Variants in APOLD1 observed in about 807,000 individuals in gnomAD.
The protein encoded by APOLD1 is apolipoprotein L domain-containing protein 1.
A neutral mutation model predicts 15.3 loss-of-function variants in APOLD1; 22 were observed. That is an observed-to-expected ratio of 1.44 (90% confidence interval 1.03 to 2.05). The LOEUF is 2.05. Ranked by LOEUF, APOLD1 falls within the 30% of genes most tolerant of loss-of-function variation. The pLI, the probability that APOLD1 is intolerant of heterozygous loss-of-function variation, is 0.00. For synonymous variants in APOLD1, 190 were observed against 167.4 expected (o/e 1.13, Z -1.04); for missense variants, 394 against 353.5 (o/e 1.11, Z -0.92).
intron 1 of APOLD1, among the ~76,000 whole-genome samples, chr12:12,759,230 A>G (rs1417020314): frequency 6.6e-6 from 1 of 152,252 alleles, no homozygotes; most frequent in African/African-American, 2.4e-5. Flanking sequence ...AAGGGAAACC[A>G]TAGAGAAAGG....
intron 1 of APOLD1, among the ~76,000 whole-genome samples, chr12:12,748,212 T>C (rs549706782): frequency 1.7e-4 from 26 of 152,128 alleles, no homozygotes; most frequent in Non-Finnish European, 2.9e-4. Flanking sequence ...AGCAGCTGGG[T>C]TCTCTATGGA....
intron 1 of APOLD1, among the ~76,000 whole-genome samples, chr12:12,730,212 C>T (rs1170342206): frequency 2.6e-5 from 4 of 152,016 alleles, no homozygotes; most frequent in East Asian, 1.9e-4. Context: ...TCATGCCTGG[C>T]TCACTGGAAA....
intron 1 of APOLD1, among the ~76,000 whole-genome samples, chr12:12,743,916 G>A: frequency 6.6e-6 from 1 of 152,172 alleles, no homozygotes; most frequent in East Asian, 1.9e-4. Flanking sequence ...GCAAGGTAAA[G>A]GATTCTCCCC....
intron 1 of APOLD1, among the ~76,000 whole-genome samples, chr12:12,779,726 C>T (rs1031069496): frequency 2.6e-5 from 4 of 152,132 alleles, no homozygotes; most frequent in African/African-American, 9.7e-5. Flanking sequence ...GGGATTATTA[C>T]ATAGCTATTA....
intron 1 of APOLD1, among the ~76,000 whole-genome samples, chr12:12,767,679 A>T (rs1455521198): frequency 2.0e-5 from 3 of 152,162 alleles, no homozygotes; most frequent in Non-Finnish European, 4.4e-5. Context: ...AACAAAAACA[A>T]AACTAGTATA....
intron 1 of APOLD1, among the ~76,000 whole-genome samples, chr12:12,747,046 A>G (rs1946771836): frequency 6.6e-6 from 1 of 152,226 alleles, no homozygotes; most frequent in African/African-American, 2.4e-5. Context: ...CTTCTAGATT[A>G]TAATCATGGA....
intron 1 of APOLD1, among the ~76,000 whole-genome samples, chr12:12,770,334 GGCAGA>G (rs752193717): frequency 1.1e-4 from 17 of 152,294 alleles, no homozygotes; most frequent in Non-Finnish European, 2.2e-4. Context: ...GAACCCAGGA[GGCAGA>G]GGTTGCACTG....
chr12:12,764,692 C>CT (rs1196772509), intron 1 of APOLD1: 1 of 508,490 alleles, frequency 2.0e-6, no homozygotes, highest in Admixed American at 2.0e-5. Flanking sequence ...CCTGTAGTGT[C>CT]TTATATACAA....
chr12:12,730,555 C>T (rs557426587), intron 1 of APOLD1, among the ~76,000 whole-genome samples: 137 of 151,364 alleles, frequency 9.1e-4, no homozygotes, highest in African/African-American at 3.0e-3. Flanking sequence ...GTGGCAGGCA[C>T]CTGTAATCCC....
intron 1 of APOLD1, among the ~76,000 whole-genome samples, chr12:12,745,423 T>A (rs1946758125): frequency 6.6e-6 from 1 of 151,900 alleles, no homozygotes; most frequent in African/African-American, 2.4e-5. Flanking sequence ...CTAGCTACTC[T>A]GGAGGCTGAG....
chr12:12,757,422 T>C (rs988500844), intron 1 of APOLD1, among the ~76,000 whole-genome samples: 10 of 152,182 alleles, frequency 6.6e-5, no homozygotes, highest in African/African-American at 2.4e-4. Flanking sequence ...GAGAGGCACA[T>C]TGAAGAACCA....
chr12:12,762,068 C>T (rs943791736), intron 1 of APOLD1, among the ~76,000 whole-genome samples: 2 of 152,032 alleles, frequency 1.3e-5, no homozygotes, highest in African/African-American at 4.8e-5. Flanking sequence ...CAAATGAAGA[C>T]ATTTTTAAGG....
chr12:12,782,040 C>A (rs1220818686), upstream of APOLD1, among the ~76,000 whole-genome samples: 1 of 151,664 alleles, frequency 6.6e-6, no homozygotes. Context: ...GGGCAGATCA[C>A]CTGAGGTCAG....
At chr12:12,729,483 C>T (rs978218281) in intron 1 of APOLD1, among the ~76,000 whole-genome samples, 2 of 152,006 alleles carry the variant, frequency 1.3e-5, no homozygotes, top group Admixed American at 1.3e-4. Context: ...TGGTCTTGAA[C>T]GCCTGGCCTC....
chr12:12,727,998 A>C (rs1375059949), intron 1 of APOLD1, among the ~76,000 whole-genome samples: 2 of 147,592 alleles, frequency 1.4e-5, no homozygotes, highest in Non-Finnish European at 3.0e-5. Context: ...GACAGGTCTC[A>C]CTCTGTCACA....
At chr12:12,728,319 A>G (rs1946610187) in intron 1 of APOLD1, among the ~76,000 whole-genome samples, 1 of 152,098 alleles carries the variant, frequency 6.6e-6, no homozygotes, top group Non-Finnish European at 1.5e-5. Flanking sequence ...TATAGTATAG[A>G]TATGTCTGAT....
At chr12:12,753,004 T>C (rs1261764827) in intron 1 of APOLD1, among the ~76,000 whole-genome samples, 1 of 152,100 alleles carries the variant, frequency 6.6e-6, no homozygotes, top group Non-Finnish European at 1.5e-5. Context: ...TGTCTGGCAA[T>C]ACCTGGGAGG....
rs921052015 is a variant in APOLD1, at chr12:12,789,692, C to T, written c.*2040C>T. 2.0e-5 allele frequency: 3 copies of T among 152,174 alleles called. No individual in the cohort carries two copies. The highest frequency in any genetic ancestry group is 4.4e-5 in the Non-Finnish European group (3 of 68,040). 9.4% of individuals were successfully genotyped at this position (152,174 alleles called of 1,614,324 possible). On this transcript the variant is annotated 3_prime_UTR_variant, in exon 2 of 2. Transcript: ENST00000356591. ...ATGTACAATTCCTTCAATTTCCATTCTTAACAACTGTAATGTTGAAAAATA... is the reference window on the plus strand; with the variant it reads ...ATGTACAATTCCTTCAATTTCCATTTTTAACAACTGTAATGTTGAAAAATA...
chr12:12,754,764 A>G (rs1209799567), intron 1 of APOLD1, among the ~76,000 whole-genome samples: 1 of 151,478 alleles, frequency 6.6e-6, no homozygotes, highest in Non-Finnish European at 1.5e-5. Context: ...TATTGGCTGG[A>G]CATGGTGGCT....
Sources: gnomAD v4.1 joint callset for allele counts (sites outside exome capture counted in the v4.1 genomes callset) on GRCh38, gnomAD v4.1.1 for gene constraint, MANE v1.5 for transcripts, NCBI Gene and HGNC (gene_info 2026-07-23, HGNC 2026-07-21) for gene names.